The following SORCS3 variants were observed in gnomAD, a reference collection of about 807,000 sequenced individuals.
The protein encoded by SORCS3 is sortilin related VPS10 domain containing receptor 3.
SORCS3 carries 57 observed loss-of-function variants against 146.3 expected under a neutral mutation model. The observed-to-expected ratio is 0.39, with a 90% CI of 0.31 to 0.49. The LOEUF is 0.49. SORCS3 is among the 20% of genes least tolerant of loss of function. The pLI, the probability that SORCS3 is intolerant of heterozygous loss-of-function variation, is 0.92. For missense variants in SORCS3, 1,341 were observed against 1,575.5 expected (o/e 0.85, Z 2.52); for synonymous variants, 653 against 618.5 (o/e 1.06, Z -0.83).
chr10:104,800,234 A>G (rs2017609073), intron 1 of SORCS3, among the ~76,000 whole-genome samples: 1 of 125,154 alleles, frequency 8.0e-6, no homozygotes, highest in Non-Finnish European at 1.8e-5. Flanking sequence ...GCTACATACC[A>G]TATGATTTCA....
chr10:104,961,414 A>T (rs189765047), intron 3 of SORCS3, among the ~76,000 whole-genome samples: 1 of 152,326 alleles, frequency 6.6e-6, no homozygotes, highest in African/African-American at 2.4e-5. Context: ...GAAAAGAAAC[A>T]AAGAAAAGCC....
chr10:105,143,260 T>C (rs11814806), intron 8 of SORCS3, among the ~76,000 whole-genome samples: 3,610 of 152,260 alleles, frequency 0.024, 100 homozygotes, highest in East Asian at 0.15. Flanking sequence ...TTTTTATGAT[T>C]TGTTTTTGTG....
At chr10:105,045,689 C>T (rs1158660340) in intron 5 of SORCS3, among the ~76,000 whole-genome samples, 1 of 152,098 alleles carries the variant, frequency 6.6e-6, no homozygotes, top group African/African-American at 2.4e-5. Context: ...CAAACCTTGG[C>T]TTAAGTGGGA....
intron 4 of SORCS3, among the ~76,000 whole-genome samples, chr10:105,035,665 A>T (rs1421472620): frequency 6.6e-6 from 1 of 151,980 alleles, no homozygotes; most frequent in Non-Finnish European, 1.5e-5. Context: ...ACGGGGTTTC[A>T]CCATGTTGGC....
intron 1 of SORCS3, among the ~76,000 whole-genome samples, chr10:104,736,422 T>A (rs56358897): frequency 0.018 from 2,812 of 152,246 alleles, 86 homozygotes; most frequent in African/African-American, 0.065. Context: ...AAGAACACAT[T>A]CCACATGGTA....
chr10:104,898,986 T>C (rs2018825321), intron 2 of SORCS3, among the ~76,000 whole-genome samples: 1 of 152,182 alleles, frequency 6.6e-6, no homozygotes, highest in South Asian at 2.1e-4. Flanking sequence ...GCCCTCCCAT[T>C]CCTACACTCA....
At chr10:105,208,994 A>T (rs1258575383) in intron 16 of SORCS3, among the ~76,000 whole-genome samples, 1 of 152,146 alleles carries the variant, frequency 6.6e-6, no homozygotes, top group Non-Finnish European at 1.5e-5. Context: ...CTTTCTATGT[A>T]GAAATCCATG....
At chr10:105,038,764 A>G (rs2055321114) in intron 4 of SORCS3, among the ~76,000 whole-genome samples, 1 of 152,280 alleles carries the variant, frequency 6.6e-6, no homozygotes, top group East Asian at 1.9e-4. Context: ...TGCATGTTTT[A>G]TAACATATTT....
chr10:104,980,901 C>G (rs961092717), intron 4 of SORCS3, among the ~76,000 whole-genome samples: 1 of 152,128 alleles, frequency 6.6e-6, no homozygotes, highest in Admixed American at 6.5e-5. Context: ...ATCTAGAAAT[C>G]GAGAGATGCA....
At chr10:105,178,462 A>G (rs1186529691) in intron 14 of SORCS3, among the ~76,000 whole-genome samples, 2 of 152,214 alleles carry the variant, frequency 1.3e-5, no homozygotes, top group African/African-American at 4.8e-5. Flanking sequence ...CAGAAAACTT[A>G]TGTCGTTAGA....
chr10:104,768,915 C>T (rs952063528), intron 1 of SORCS3, among the ~76,000 whole-genome samples: 14 of 152,170 alleles, frequency 9.2e-5, no homozygotes, highest in South Asian at 2.1e-4. Flanking sequence ...AGGGCAGGGG[C>T]GAAGTGTGGA....
intron 1 of SORCS3, among the ~76,000 whole-genome samples, chr10:104,745,843 G>A (rs1321477178): frequency 1.3e-5 from 2 of 152,082 alleles, no homozygotes; most frequent in African/African-American, 4.8e-5. Flanking sequence ...TTGTCCTTCT[G>A]TGTCTGGCTT....
At chr10:104,663,713 C>G (rs2015731417) in intron 1 of SORCS3, among the ~76,000 whole-genome samples, 1 of 152,188 alleles carries the variant, frequency 6.6e-6, no homozygotes, top group African/African-American at 2.4e-5. Context: ...GCCTCTTGCT[C>G]TCTGAAATGC....
At chr10:104,893,851 C>T (rs1180150429) in intron 2 of SORCS3, among the ~76,000 whole-genome samples, 1 of 152,190 alleles carries the variant, frequency 6.6e-6, no homozygotes, top group Non-Finnish European at 1.5e-5. Flanking sequence ...CTCTCCTTCA[C>T]CCATTCTGAT....
intron 3 of SORCS3, among the ~76,000 whole-genome samples, chr10:104,928,639 C>G (rs2019175019): frequency 6.6e-6 from 1 of 152,118 alleles, no homozygotes; most frequent in African/African-American, 2.4e-5. Context: ...GACCTCAGCA[C>G]TTGGTACACA....
At chr10:104,855,271 T>A (rs2018317354) in intron 2 of SORCS3, among the ~76,000 whole-genome samples, 2 of 152,192 alleles carry the variant, frequency 1.3e-5, no homozygotes, top group Admixed American at 6.5e-5. Context: ...TTACTCTCAC[T>A]TTATTCTTCT....
chr10:105,034,187 G>A (rs954215112), intron 4 of SORCS3, among the ~76,000 whole-genome samples: 23 of 152,268 alleles, frequency 1.5e-4, no homozygotes, highest in African/African-American at 5.5e-4. Flanking sequence ...GCTGTCTGGG[G>A]TGGGAAGTGA....
At chr10:105,014,110 CACATATATAT>C (rs1167294632) in intron 4 of SORCS3, among the ~76,000 whole-genome samples, 5 of 132,348 alleles carry the variant, frequency 3.8e-5, no homozygotes, top group Admixed American at 7.6e-5. Flanking sequence ...TATATATATA[CACATATATAT>C]ACATATATAT....
At chr10:105,242,310 TTA>T (rs1213052992) in intron 20 of SORCS3, among the ~76,000 whole-genome samples, 69 of 132,788 alleles carry the variant, frequency 5.2e-4, no homozygotes, top group African/African-American at 1.4e-3. Flanking sequence ...ATACATATAT[TTA>T]TATATATATT....
Sources: gnomAD v4.1 joint callset for allele counts (sites outside exome capture counted in the v4.1 genomes callset) on GRCh38, gnomAD v4.1.1 for gene constraint, MANE v1.5 for transcripts, NCBI Gene and HGNC (gene_info 2026-07-23, HGNC 2026-07-21) for gene names.